Variants in ITPK1 observed in about 807,000 individuals in gnomAD.
ITPK1 encodes inositol-tetrakisphosphate 1-kinase.
A neutral mutation model predicts 45.3 loss-of-function variants in ITPK1; 21 were observed. That is an observed-to-expected ratio of 0.46 (90% CI 0.33 to 0.67). ITPK1 has a LOEUF of 0.67. Among genes scored for constraint, ITPK1 ranks in the 30% least tolerant of loss-of-function variants. The probability of loss-of-function intolerance (pLI) is 0.02; values close to 1 mark genes in which losing one functional copy is unlikely to be tolerated. For synonymous variants in ITPK1, 258 were observed against 253.6 expected (o/e 1.02, Z -0.16); for missense variants, 474 against 573.5 (o/e 0.83, Z 1.77).
At chr14:92,981,048 C>T (rs1366924681) in intron 5 of ITPK1, among the ~76,000 whole-genome samples, 2 of 152,196 alleles carry the variant, frequency 1.3e-5, no homozygotes, top group African/African-American at 4.8e-5. Flanking sequence ...GACACCTGGC[C>T]CACCCTTGGA....
intron 5 of ITPK1, among the ~76,000 whole-genome samples, chr14:92,989,908 T>C (rs1343269636): frequency 1.3e-5 from 2 of 152,126 alleles, no homozygotes; most frequent in Non-Finnish European, 2.9e-5. Flanking sequence ...GCCTCCAGGA[T>C]GCTGGTTGCT....
chr14:92,954,782 G>A (rs1244553816), intron 8 of ITPK1, among the ~76,000 whole-genome samples: 1 of 152,186 alleles, frequency 6.6e-6, no homozygotes, highest in African/African-American at 2.4e-5. Flanking sequence ...GGGAGAATGT[G>A]TCCTAATGCT....
chr14:93,111,190 C>A (rs1892738764), intron 2 of ITPK1, among the ~76,000 whole-genome samples: 1 of 152,148 alleles, frequency 6.6e-6, no homozygotes, highest in South Asian at 2.1e-4. Context: ...AAGTCATGTG[C>A]CTCTTCCGCC....
chr14:93,048,876 G>A (rs1012819218), intron 3 of ITPK1, among the ~76,000 whole-genome samples: 1 of 152,124 alleles, frequency 6.6e-6, no homozygotes, highest in Non-Finnish European at 1.5e-5. Flanking sequence ...TTGAACCCAG[G>A]AGCCAGAGGT....
chr14:93,056,588 T>TC (rs1011554053), intron 3 of ITPK1, among the ~76,000 whole-genome samples: 3 of 152,054 alleles, frequency 2.0e-5, no homozygotes, highest in African/African-American at 7.2e-5. Flanking sequence ...GGAACCAGGG[T>TC]CTTAAGCAGC....
At position 93,016,072 on chromosome 14, in the gene ITPK1, C is replaced by CA. The variant is rs1888159789; in HGVS notation, c.246+603dup. Among the ~76,000 whole-genome samples the CA allele has an allele frequency of 6.6e-6, 1 of 152,162 alleles. No homozygotes were observed. Among genetic ancestry groups the CA allele is most frequent in the Non-Finnish European group, 1.5e-5 (1 of 68,048 alleles). On this transcript the variant is annotated intron_variant, in intron 4 of 10. Coordinates refer to ENST00000267615, the MANE Select transcript of ITPK1 (RefSeq NM_014216.6). The surrounding 1 kb of genome is among the most constrained non-coding windows in gnomAD (Gnocchi z 5.0). ...GTTCTTGTCCACAACAGAGAGAACA[C>CA]AGGACAAGTCAGTAGCCAGCATGAG...
chr14:92,971,848 C>T (rs937899483), intron 5 of ITPK1, among the ~76,000 whole-genome samples: 1 of 152,206 alleles, frequency 6.6e-6, no homozygotes, highest in Non-Finnish European at 1.5e-5. Flanking sequence ...GACTGAGAAT[C>T]GTATTGTCCA....
chr14:93,018,841 G>A (rs1366483471), intron 3 of ITPK1, among the ~76,000 whole-genome samples: 1 of 152,234 alleles, frequency 6.6e-6, no homozygotes, highest in Non-Finnish European at 1.5e-5. Context: ...CCATGCAGGT[G>A]AAGCGGCCAG....
At chr14:93,112,528 C>T (rs1892794550) in intron 2 of ITPK1, among the ~76,000 whole-genome samples, 1 of 150,898 alleles carries the variant, frequency 6.6e-6, no homozygotes, top group Non-Finnish European at 1.5e-5. Context: ...CAACCTCTGC[C>T]TCCCGGGTTC....
intron 3 of ITPK1, chr14:93,068,763 A>G (rs1466264621): frequency 6.6e-6 from 1 of 152,188 alleles, no homozygotes; most frequent in African/African-American, 2.4e-5. Flanking sequence ...CCATGTAAAA[A>G]TATAACCTAA....
At position 93,016,801 on chromosome 14, in the gene ITPK1, G is replaced by A. The variant is rs1888206295; in HGVS notation, c.121C>T (p.Leu41=). Residue 41 remains leucine, a splice_region_variant and synonymous_variant, in exon 4 of 11, where the codon CTG becomes TTG. Transcript: ENST00000267615. The surrounding 1 kb of genome is among the most constrained non-coding windows in gnomAD (Gnocchi z 5.0). ...TCCTCGATCGGCCGGCTAAGGTTCAGCTGTGAGGCAGGGAACACAGACAAA... is the reference window on the plus strand; with the variant it reads ...TCCTCGATCGGCCGGCTAAGGTTCAACTGTGAGGCAGGGAACACAGACAAA... ...CRKRGMEVVQ[L]NLSRPIEEQG... is the part of the protein sequence containing the mutation. 1.2e-6 allele frequency: 2 copies of A among 1,613,952 alleles called. No homozygotes were observed. Among genetic ancestry groups the A allele is most frequent in the Non-Finnish European group, 1.7e-6 (2 of 1,179,928 alleles).
chr14:92,973,849 T>C (rs1167521207), intron 5 of ITPK1, among the ~76,000 whole-genome samples: 1 of 152,118 alleles, frequency 6.6e-6, no homozygotes, highest in Non-Finnish European at 1.5e-5. Flanking sequence ...TGAAGGGACT[T>C]AGAGCCAGAA....
intron 2 of ITPK1, among the ~76,000 whole-genome samples, chr14:93,077,799 C>T (rs1013149027): frequency 3.9e-5 from 6 of 152,190 alleles, no homozygotes; most frequent in Admixed American, 3.3e-4. Context: ...ACCACTGTCT[C>T]GGCCCTTTGT....
chr14:92,986,499 G>A (rs544735431), intron 5 of ITPK1, among the ~76,000 whole-genome samples: 43 of 152,354 alleles, frequency 2.8e-4, no homozygotes, highest in African/African-American at 9.6e-4. Flanking sequence ...CTAGAAAAGT[G>A]ATCGGAGCCA....
intron 2 of ITPK1, among the ~76,000 whole-genome samples, chr14:93,098,261 CCTGG>C (rs1892163776): frequency 6.6e-6 from 1 of 152,012 alleles, no homozygotes. Context: ...TCGAGACCAT[CCTGG>C]CTAACACAGT....
intron 2 of ITPK1, among the ~76,000 whole-genome samples, chr14:93,082,731 C>T (rs964553511): frequency 1.3e-4 from 20 of 152,250 alleles, no homozygotes; most frequent in Admixed American, 4.6e-4. Flanking sequence ...CAAGCCAAGC[C>T]GGTCCTGGTC....
chr14:92,997,502 G>T (rs547152086), intron 4 of ITPK1, among the ~76,000 whole-genome samples: 2 of 152,286 alleles, frequency 1.3e-5, no homozygotes, highest in South Asian at 4.1e-4. Flanking sequence ...AGAGGGCAAA[G>T]AATTTTTCCA....
In ITPK1 at chr14:92,941,530, T is replaced by G; in HGVS notation, c.*31A>C. The G allele has an allele frequency of 6.6e-7, 1 of 1,506,780 alleles. No homozygotes were observed. Among genetic ancestry groups the G allele is most frequent in the Non-Finnish European group, 8.8e-7 (1 of 1,135,584 alleles). 93.3% of individuals were successfully genotyped at this position (1,506,780 alleles called of 1,614,324 possible). On this transcript the variant is annotated 3_prime_UTR_variant, in exon 11 of 11. Coordinates refer to ENST00000267615, the MANE Select transcript of ITPK1 (RefSeq NM_014216.6). The stretch of plus-strand genomic sequence containing the variant: ...GGCCCAGCGGGTGTGCTCTGCGCCC[T>G]GCGCTGCCCCTCTGGGTCCCGGCTC...
chr14:93,023,741 C>G (rs921627216), intron 3 of ITPK1, among the ~76,000 whole-genome samples: 1 of 152,232 alleles, frequency 6.6e-6, no homozygotes, highest in African/African-American at 2.4e-5. Flanking sequence ...GGGGATTTAT[C>G]CTGTAAGGGG....
Sources: allele counts gnomAD v4.1 joint callset (sites outside exome capture counted in the v4.1 genomes callset), GRCh38; gene constraint gnomAD v4.1.1; non-coding constraint Gnocchi (gnomAD v3.1); transcripts MANE v1.5; gene names NCBI Gene and HGNC (gene_info 2026-07-23, HGNC 2026-07-21).